SLC4A10: variants seen among roughly 807,000 people sequenced by gnomAD.
The protein encoded by SLC4A10 is solute carrier family 4 member 10, also known as sodium-driven chloride bicarbonate exchanger.
SLC4A10 carries 42 observed loss-of-function variants against 137.7 expected under a neutral mutation model. The ratio of observed to expected loss-of-function variants is 0.30; its 90% CI spans 0.24 to 0.39. The LOEUF (loss-of-function observed/expected upper bound fraction) is 0.39, where lower values mean the gene tolerates loss of function less well. SLC4A10 is among the 10% of genes least tolerant of loss of function. The pLI is 1.00. For missense variants in SLC4A10, 925 were observed against 1,355.0 expected (o/e 0.68, Z 4.98); for synonymous variants, 474 against 464.1 (o/e 1.02, Z -0.27).
chr2:161,908,629 G>T (rs889870202), intron 15 of SLC4A10, among the ~76,000 whole-genome samples: 6 of 151,800 alleles, frequency 4.0e-5, no homozygotes, highest in Non-Finnish European at 7.4e-5. Context: ...ATTGGGTTGG[G>T]AAAGGAGGCA....
At position 161,662,295 on chromosome 2, in the gene SLC4A10, A is replaced by T. The variant is rs773687944; in HGVS notation, c.48+37729A>T. On this transcript the variant is annotated intron_variant, in intron 1 of 26. Transcript: ENST00000446997. Reference sequence around the variant, plus strand: ...TCAAACCTCTTTATTCATTGTTTTGAGGAGACAAATATGGAGTGGCTTACA... The same window carrying T: ...TCAAACCTCTTTATTCATTGTTTTGTGGAGACAAATATGGAGTGGCTTACA... 5.3e-5 allele frequency among the ~76,000 whole-genome samples: 8 copies of T among 152,106 alleles called. No homozygotes were observed. In the East Asian group the frequency reaches 1.3e-3, roughly 26 times the overall value.
chr2:161,903,978 C>T, intron 12 of SLC4A10, 26 bp from the exon 13 acceptor site: 1 of 1,540,510 alleles, frequency 6.5e-7, no homozygotes, highest in African/African-American at 1.4e-5. Flanking sequence ...TTGGGTTTCA[C>T]TATTGTGTTT....
chr2:161,745,407 CTTT>C (rs2048296221), intron 1 of SLC4A10, among the ~76,000 whole-genome samples: 1 of 152,080 alleles, frequency 6.6e-6, no homozygotes, highest in African/African-American at 2.4e-5. Context: ...TTCCTTAATT[CTTT>C]TTAATTATTT....
At chr2:161,740,854 A>G (rs2047807580) in intron 1 of SLC4A10, among the ~76,000 whole-genome samples, 3 of 152,208 alleles carry the variant, frequency 2.0e-5, no homozygotes, top group South Asian at 4.1e-4. Context: ...GTCAGGGACA[A>G]TATCTATATA....
chr2:161,652,514 CTT>C (rs1242971163), intron 1 of SLC4A10, among the ~76,000 whole-genome samples: 1 of 152,160 alleles, frequency 6.6e-6, no homozygotes, highest in African/African-American at 2.4e-5. Context: ...ATATTGACCT[CTT>C]TGAAAATATT....
chr2:161,770,677 T>C (rs1391004297), intron 1 of SLC4A10, among the ~76,000 whole-genome samples: 1 of 151,942 alleles, frequency 6.6e-6, no homozygotes, highest in Non-Finnish European at 1.5e-5. Flanking sequence ...TTTTACTAAA[T>C]TGATAGAATA....
At chr2:161,646,582 A>C (rs2036059634) in intron 1 of SLC4A10, among the ~76,000 whole-genome samples, 1 of 151,978 alleles carries the variant, frequency 6.6e-6, no homozygotes, top group African/African-American at 2.4e-5. Flanking sequence ...TTAGAGCTCA[A>C]ATTTATCCTT....
chr2:161,977,205 G>T, intron 25 of SLC4A10: 1 of 282,082 alleles, frequency 3.5e-6, no homozygotes, highest in Non-Finnish European at 6.8e-6. Context: ...GCCACATTTT[G>T]CACTCCTTTA....
At chr2:161,684,718 G>A (rs887700633) in intron 1 of SLC4A10, among the ~76,000 whole-genome samples, 5 of 152,178 alleles carry the variant, frequency 3.3e-5, no homozygotes, top group South Asian at 2.1e-4. Context: ...TTGACTCATG[G>A]TAGGTTAATA....
chr2:161,755,408 G>A (rs1200379219), intron 1 of SLC4A10, among the ~76,000 whole-genome samples: 1 of 152,166 alleles, frequency 6.6e-6, no homozygotes, highest in Non-Finnish European at 1.5e-5. Context: ...GACTAGCTGA[G>A]ATTTTTGGCT....
intron 1 of SLC4A10, among the ~76,000 whole-genome samples, chr2:161,627,903 A>G (rs961854319): frequency 8.5e-5 from 13 of 152,090 alleles, no homozygotes; most frequent in Non-Finnish European, 1.5e-4. Context: ...AACACCCTAT[A>G]TATGTGAAAC....
chr2:161,768,414 G>A (rs1279792183), intron 1 of SLC4A10, among the ~76,000 whole-genome samples: 2 of 151,970 alleles, frequency 1.3e-5, no homozygotes, highest in Admixed American at 6.6e-5. Flanking sequence ...ACTCATTCTG[G>A]TAAAAGATGG....
intron 10 of SLC4A10, among the ~76,000 whole-genome samples, chr2:161,890,500 T>C (rs2062800877): frequency 1.3e-5 from 2 of 152,208 alleles, no homozygotes; most frequent in Non-Finnish European, 2.9e-5. Context: ...ATATTTAAGA[T>C]AGTCAGCTCT....
intron 1 of SLC4A10, among the ~76,000 whole-genome samples, chr2:161,703,451 T>C (rs181967435): frequency 4.9e-4 from 75 of 151,828 alleles, no homozygotes; most frequent in Non-Finnish European, 8.1e-4. Context: ...TTTAAAATAC[T>C]AAAACTAAAA....
chr2:161,687,860 A>G (rs1353385326), intron 1 of SLC4A10, among the ~76,000 whole-genome samples: 2 of 152,126 alleles, frequency 1.3e-5, no homozygotes, highest in Admixed American at 1.3e-4. Flanking sequence ...GCCTTCTGCC[A>G]TGATTGTAGG....
intron 9 of SLC4A10, among the ~76,000 whole-genome samples, chr2:161,879,752 T>C (rs2061650075): frequency 6.6e-6 from 1 of 152,060 alleles, no homozygotes; most frequent in Non-Finnish European, 1.5e-5. Context: ...ATCGTTAGGA[T>C]AGCGTCAAAT....
intron 20 of SLC4A10, among the ~76,000 whole-genome samples, chr2:161,958,110 C>T (rs1038127502): frequency 5.3e-5 from 8 of 152,058 alleles, no homozygotes; most frequent in Non-Finnish European, 1.2e-4. Flanking sequence ...TTTTAATCCA[C>T]CTTTAATCCA....
chr2:161,818,461 C>A (rs2057318363), intron 3 of SLC4A10, among the ~76,000 whole-genome samples: 1 of 152,126 alleles, frequency 6.6e-6, no homozygotes, highest in Admixed American at 6.5e-5. Flanking sequence ...TAATTGAATG[C>A]CCTTTATTTC....
chr2:161,651,660 A>G (rs1414170324), intron 1 of SLC4A10, among the ~76,000 whole-genome samples: 1 of 152,220 alleles, frequency 6.6e-6, no homozygotes, highest in Admixed American at 6.5e-5. Context: ...AGAGGCCACA[A>G]GTGGTACATC....
Sources: gnomAD v4.1 joint callset for allele counts (sites outside exome capture counted in the v4.1 genomes callset) on GRCh38, gnomAD v4.1.1 for gene constraint, MANE v1.5 for transcripts, NCBI Gene and HGNC (gene_info 2026-07-23, HGNC 2026-07-21) for gene names.